MMP26: variants seen among roughly 807,000 people sequenced by gnomAD.
MMP26 encodes the protein matrix metalloproteinase-26.
MMP26 carries 33 observed loss-of-function variants against 31.0 expected under a neutral mutation model. The observed-to-expected ratio is 1.06, with a 90% CI of 0.81 to 1.42. The LOEUF is 1.42. Among genes scored for constraint, MMP26 ranks in the 40% most tolerant of loss-of-function variants. MMP26 has a pLI of 0.00. For synonymous variants in MMP26, 122 were observed against 114.9 expected (o/e 1.06, Z -0.40); for missense variants, 347 against 316.1 (o/e 1.10, Z -0.74).
At chr11:4,758,466 G>GAAAAAAAAAAAAAA (rs376347621) in intron 1 of MMP26, among the ~76,000 whole-genome samples, 1 of 93,348 alleles carries the variant, frequency 1.1e-5, no homozygotes, top group African/African-American at 3.5e-5. Context: ...CATCCATTTG[G>GAAAAAAAAAAAAAA]AAAAAAAAAA....
intron 2 of MMP26, among the ~76,000 whole-genome samples, chr11:4,921,576 T>C (rs17252916): frequency 0.077 from 11,777 of 152,272 alleles, 641 homozygotes; most frequent in Non-Finnish European, 0.12. Flanking sequence ...ATGGTTTCAC[T>C]TGTGTGAGCA....
chr11:4,984,856 G>C (rs902686123), intron 2 of MMP26, among the ~76,000 whole-genome samples: 3 of 152,074 alleles, frequency 2.0e-5, no homozygotes, highest in Non-Finnish European at 4.4e-5. Context: ...GGGTTCTCTG[G>C]TCACCTTCTT....
intron 1 of MMP26, among the ~76,000 whole-genome samples, chr11:4,713,919 G>A (rs993015849): frequency 1.3e-5 from 2 of 152,096 alleles, no homozygotes; most frequent in African/African-American, 2.4e-5. Flanking sequence ...ACATGAAGTA[G>A]AAGGAGAAGA....
intron 1 of MMP26, among the ~76,000 whole-genome samples, chr11:4,727,659 A>G (rs2133280997): frequency 6.6e-6 from 1 of 152,236 alleles, no homozygotes; most frequent in East Asian, 1.9e-4. Context: ...AAAATACAAA[A>G]ATCAGTCAGG....
intron 2 of MMP26, among the ~76,000 whole-genome samples, chr11:4,874,618 T>G (rs1214652329): frequency 6.6e-6 from 1 of 151,428 alleles, no homozygotes; most frequent in Non-Finnish European, 1.5e-5. Flanking sequence ...CTTTCTGAGA[T>G]TCTCAGAAGG....
intron 2 of MMP26, chr11:4,832,104 C>T (rs12279647): frequency 0.37 from 56,172 of 152,256 alleles, 12,258 homozygotes; most frequent in South Asian, 0.57. Context: ...TTTAGACCCA[C>T]GAGTGGATAA....
rs888807958 is a variant in MMP26 at position 4,734,870 on chromosome 11, G to T, written c.-217+29825G>T. ...TTTCAGCTTGTATCTCTTGGCATGA[G>T]TACTGCACCTTAGGATTGAGCTGGG... On this transcript the variant is annotated intron_variant, in intron 1 of 7. Transcript: ENST00000380390. Among the ~76,000 whole-genome samples the T allele has an allele frequency of 3.8e-5, 3 of 78,054 alleles. No individual in the cohort carries two copies. In the East Asian group the frequency reaches 8.6e-4, roughly 22 times the overall value. The allele number at this position is 78,054 out of a possible 152,430, so 51.2% of individuals were successfully genotyped here.
chr11:4,706,627 A>G (rs1171799481), intron 1 of MMP26, among the ~76,000 whole-genome samples: 1 of 151,136 alleles, frequency 6.6e-6, no homozygotes, highest in Non-Finnish European at 1.5e-5. Flanking sequence ...AAAGAAAAGA[A>G]CACTTAACAT....
rs991509568 is a variant in MMP26 at position 4,958,138 on chromosome 11, T to C, written c.-144-29930T>C. ...GCTCCTTCACTAGATGGAACAATAATTCAAGATAAGACATTGGAGCAAGTC... is the reference window on the plus strand; with the variant it reads ...GCTCCTTCACTAGATGGAACAATAACTCAAGATAAGACATTGGAGCAAGTC... On this transcript the variant is annotated intron_variant, in intron 2 of 7. Coordinates refer to ENST00000380390, the MANE Select transcript of MMP26 (RefSeq NM_021801.5). Among the ~76,000 whole-genome samples, 10 of 152,270 alleles carry C rather than the reference T, an allele frequency of 6.6e-5. 1 individual carries two copies. Among genetic ancestry groups the C allele is most frequent in the Admixed American group, 5.9e-4 (9 of 15,292 alleles).
At chr11:4,798,932 T>G (rs997026666) in intron 2 of MMP26, among the ~76,000 whole-genome samples, 3 of 152,196 alleles carry the variant, frequency 2.0e-5, no homozygotes, top group Non-Finnish European at 4.4e-5. Context: ...CATCACAGTT[T>G]GGTTCTAAGT....
At chr11:4,876,827 C>T (rs1441161217) in intron 2 of MMP26, 4 of 153,004 alleles carry the variant, frequency 2.6e-5, no homozygotes, top group African/African-American at 9.6e-5. Context: ...ACTGGTTCAA[C>T]TGGCGTTCAA....
intron 2 of MMP26, among the ~76,000 whole-genome samples, chr11:4,830,487 A>G: frequency 6.6e-6 from 1 of 152,210 alleles, no homozygotes; most frequent in East Asian, 1.9e-4. Flanking sequence ...GAATACAACA[A>G]TGTTGCCAAT....
rs190146313 is a variant in MMP26, at chr11:4,987,420, T to C, written c.-144-648T>C. On this transcript the variant is annotated intron_variant, in intron 2 of 7. Transcript: ENST00000380390. ...TTGTTTTTTGTGGTTTTTTTTTGTTTTTTGTTTTTTGTTTTTGAGACGGAG... is the reference window on the plus strand; with the variant it reads ...TTGTTTTTTGTGGTTTTTTTTTGTTCTTTGTTTTTTGTTTTTGAGACGGAG... Among the ~76,000 whole-genome samples the C allele has an allele frequency of 5.3e-5, 8 of 151,878 alleles. No individual in the cohort carries two copies. The East Asian group carries it at 1.6e-3, about 30-fold the overall frequency.
intron 2 of MMP26, among the ~76,000 whole-genome samples, chr11:4,872,436 G>A (rs1269685761): frequency 6.6e-6 from 1 of 152,032 alleles, no homozygotes; most frequent in Non-Finnish European, 1.5e-5. Context: ...GGCAAGGGGA[G>A]TATGTGATTC....
At chr11:4,834,363 A>G (rs982155796) in intron 2 of MMP26, among the ~76,000 whole-genome samples, 8 of 152,144 alleles carry the variant, frequency 5.3e-5, no homozygotes, top group African/African-American at 1.9e-4. Context: ...CTCTCACTTT[A>G]TGGCATTGTG....
intron 2 of MMP26, among the ~76,000 whole-genome samples, chr11:4,836,202 A>G (rs1849716809): frequency 6.6e-6 from 1 of 152,052 alleles, no homozygotes; most frequent in Non-Finnish European, 1.5e-5. Flanking sequence ...TAAGTAAATC[A>G]CACTATAAAG....
rs142419630 is a variant in MMP26 at position 4,970,465 on chromosome 11, G to A, written c.-144-17603G>A. Among the ~76,000 whole-genome samples the A allele has an allele frequency of 2.4e-4, 37 of 152,284 alleles. No homozygotes were observed. The East Asian group carries it at 7.0e-3, about 29-fold the overall frequency. On this transcript the variant is annotated intron_variant, in intron 2 of 7. Coordinates refer to ENST00000380390, the MANE Select transcript of MMP26 (RefSeq NM_021801.5). ...ACCCTTTCCCCCTCTTTCTGCCTCA[G>A]ATGATTGCTGTTTGGGGTTCCTGAG... is the stretch of plus-strand genomic sequence containing the variant.
chr11:4,862,379 T>C (rs1299489670), intron 2 of MMP26, among the ~76,000 whole-genome samples: 3 of 152,200 alleles, frequency 2.0e-5, no homozygotes, highest in African/African-American at 7.2e-5. Flanking sequence ...ATTAGTGCAA[T>C]GAAGACATAA....
intron 1 of MMP26, chr11:4,722,658 A>T: frequency 1.5e-6 from 1 of 683,082 alleles, no homozygotes; most frequent in East Asian, 2.5e-5. Flanking sequence ...TCCCTGTGCT[A>T]CCCTGCACAG....
Sources: allele counts gnomAD v4.1 joint callset (sites outside exome capture counted in the v4.1 genomes callset), GRCh38; gene constraint gnomAD v4.1.1; transcripts MANE v1.5; gene names NCBI Gene and HGNC (gene_info 2026-07-23, HGNC 2026-07-21).